The following DNER variants were observed in gnomAD, a reference collection of about 807,000 sequenced individuals.
DNER encodes the protein delta and Notch-like epidermal growth factor-related receptor.
Under a neutral mutation model 78.2 loss-of-function variants are expected in DNER, and 33 were observed. The observed-to-expected ratio is 0.42, with a 90% confidence interval of 0.32 to 0.56. The LOEUF is 0.56. Ranked by LOEUF, DNER falls within the 20% of genes least tolerant of loss-of-function variation. The pLI, the probability that DNER is intolerant of heterozygous loss-of-function variation, is 0.11. For synonymous variants in DNER, 417 were observed against 384.8 expected (o/e 1.08, Z -0.98); for missense variants, 918 against 975.3 (o/e 0.94, Z 0.78).
intron 8 of DNER, among the ~76,000 whole-genome samples, chr2:229,419,654 A>G (rs1693723744): frequency 6.6e-6 from 1 of 152,174 alleles, no homozygotes; most frequent in Non-Finnish European, 1.5e-5. Context: ...TTCCAAATTT[A>G]GGTTGTGATA....
At chr2:229,562,558 C>T (rs1696979376) in intron 4 of DNER, among the ~76,000 whole-genome samples, 1 of 152,028 alleles carries the variant, frequency 6.6e-6, no homozygotes, top group African/African-American at 2.4e-5. Flanking sequence ...TTCATTAATT[C>T]CAAATGGATG....
chr2:229,484,682 T>A (rs998004201), intron 6 of DNER, among the ~76,000 whole-genome samples: 1 of 152,150 alleles, frequency 6.6e-6, no homozygotes, highest in African/African-American at 2.4e-5. Flanking sequence ...GACTGGCATC[T>A]AGTAGGTAGA....
rs1389629888 is a variant in DNER, at chr2:229,630,516, AATAAT to A, written c.277-38633_277-38629del. On this transcript the variant is annotated intron_variant, in intron 1 of 12. Coordinates refer to ENST00000341772, the MANE Select transcript of DNER (RefSeq NM_139072.4). ...TAATAATAATAATAATAATAATAATAATAATAAAATCTTCTGGCAGATGTTTAAAA... is the reference window on the plus strand; with the variant it reads ...TAATAATAATAATAATAATAATAATAAAAATCTTCTGGCAGATGTTTAAAA... Among the ~76,000 whole-genome samples the A allele has an allele frequency of 7.3e-3, 1,095 of 149,168 alleles. 8 individuals carry two copies. The highest frequency in any genetic ancestry group is 0.025 in the African/African-American group (1,027 of 40,956).
At chr2:229,393,833 C>T (rs527583137) in intron 10 of DNER, among the ~76,000 whole-genome samples, 6 of 151,830 alleles carry the variant, frequency 4.0e-5, no homozygotes, top group Middle Eastern at 3.4e-3. Flanking sequence ...GGCAACAGAG[C>T]GAGACTCCGT....
intron 1 of DNER, among the ~76,000 whole-genome samples, chr2:229,697,829 C>T (rs1699684663): frequency 6.6e-6 from 1 of 152,202 alleles, no homozygotes; most frequent in Non-Finnish European, 1.5e-5. Context: ...GAAATAAAGA[C>T]TCCCTTTTCT....
At chr2:229,709,074 A>C (rs770369687) in intron 1 of DNER, among the ~76,000 whole-genome samples, 28 of 152,216 alleles carry the variant, frequency 1.8e-4, no homozygotes, top group Non-Finnish European at 3.8e-4. Context: ...TAGAGAGAAA[A>C]AGCTGTGTCT....
In DNER at chr2:229,391,130, T is replaced by C. The variant is rs566010721; in HGVS notation, c.1724-2734A>G. On this transcript the variant is annotated intron_variant, in intron 10 of 12. Transcript: ENST00000341772. ...GCCTTACAGTGATCATGCTTTTTGC[T>C]ATCAGTCTTACGCAAAGTGTTTGAA... Among the ~76,000 whole-genome samples the C allele has an allele frequency of 2.6e-3, 395 of 152,362 alleles. 1 individual carries two copies. Among genetic ancestry groups the C allele is most frequent in the African/African-American group, 9.1e-3 (379 of 41,588 alleles).
chr2:229,663,799 G>A (rs1699046178), intron 1 of DNER, among the ~76,000 whole-genome samples: 1 of 152,142 alleles, frequency 6.6e-6, no homozygotes, highest in South Asian at 2.1e-4. Context: ...TTTCCTGAGA[G>A]TTACAGGAAG....
At chr2:229,435,567 T>TA (rs1299788026) in intron 8 of DNER, among the ~76,000 whole-genome samples, 1 of 152,288 alleles carries the variant, frequency 6.6e-6, no homozygotes, top group Non-Finnish European at 1.5e-5. Context: ...AGAGACCTGG[T>TA]AAAAAAGGTA....
chr2:229,380,320 G>A (rs1692707724), intron 11 of DNER, among the ~76,000 whole-genome samples: 1 of 152,190 alleles, frequency 6.6e-6, no homozygotes, highest in Admixed American at 6.5e-5. Flanking sequence ...AGACAGATCA[G>A]GCCAAGTGAC....
At chr2:229,489,733 T>C (rs970869224) in intron 6 of DNER, among the ~76,000 whole-genome samples, 1 of 140,504 alleles carries the variant, frequency 7.1e-6, no homozygotes, top group African/African-American at 2.6e-5. Flanking sequence ...AAGAAGAGGG[T>C]GGGAGAGGTC....
chr2:229,620,948 C>T (rs1387911076), intron 1 of DNER, among the ~76,000 whole-genome samples: 1 of 152,180 alleles, frequency 6.6e-6, no homozygotes, highest in Non-Finnish European at 1.5e-5. Flanking sequence ...TCAGGAGAAA[C>T]CAAACCTGCT....
At chr2:229,656,102 G>A (rs563104493) in intron 1 of DNER, among the ~76,000 whole-genome samples, 18 of 152,224 alleles carry the variant, frequency 1.2e-4, no homozygotes, top group African/African-American at 3.1e-4. Context: ...GCCACCCAGC[G>A]TGTGATAATG....
At chr2:229,517,522 G>T (rs1290982457) in intron 5 of DNER, among the ~76,000 whole-genome samples, 1 of 152,200 alleles carries the variant, frequency 6.6e-6, no homozygotes. Flanking sequence ...CAGGTGAGGG[G>T]AACAGCCAGT....
chr2:229,381,866 A>C (rs1178264538), intron 11 of DNER, among the ~76,000 whole-genome samples: 7 of 152,132 alleles, frequency 4.6e-5, no homozygotes, highest in Non-Finnish European at 8.8e-5. Flanking sequence ...GCAGACTTAA[A>C]TGTTCCTGCC....
intron 1 of DNER, among the ~76,000 whole-genome samples, chr2:229,657,454 T>C (rs1698931640): frequency 6.6e-6 from 1 of 152,190 alleles, no homozygotes; most frequent in South Asian, 2.1e-4. Context: ...AACACAGGGA[T>C]ACAGATAAGC....
intron 1 of DNER, among the ~76,000 whole-genome samples, chr2:229,693,411 G>A (rs1214026996): frequency 6.6e-6 from 1 of 152,066 alleles, no homozygotes; most frequent in Non-Finnish European, 1.5e-5. Flanking sequence ...GTACCACAGA[G>A]AGTGGGACGC....
At chr2:229,623,895 T>C (rs1410947246) in intron 1 of DNER, among the ~76,000 whole-genome samples, 1 of 152,184 alleles carries the variant, frequency 6.6e-6, no homozygotes, top group Non-Finnish European at 1.5e-5. Flanking sequence ...CTTCAATGCT[T>C]AAAGGAAAGT....
chr2:229,655,803 G>A (rs960190350), intron 1 of DNER, among the ~76,000 whole-genome samples: 7 of 152,000 alleles, frequency 4.6e-5, no homozygotes, highest in African/African-American at 1.5e-4. Context: ...GTCCTAAGAA[G>A]GGAAGAAGAG....
Sources: gnomAD v4.1 joint callset for allele counts (sites outside exome capture counted in the v4.1 genomes callset) on GRCh38, gnomAD v4.1.1 for gene constraint, MANE v1.5 for transcripts, NCBI Gene and HGNC (gene_info 2026-07-23, HGNC 2026-07-21) for gene names.